The following PLN variants were observed in gnomAD, a reference collection of about 807,000 sequenced individuals.
The protein encoded by PLN is cardiac phospholamban.
In PLN, 1 loss-of-function variant was observed where a neutral mutation model predicts 3.9. That is an observed-to-expected ratio of 0.26 (90% CI 0.09 to 1.23). The LOEUF is 1.23. Among genes scored for constraint, PLN ranks in the 50% most tolerant of loss-of-function variants. The pLI, the probability that PLN is intolerant of heterozygous loss-of-function variation, is 0.48. For synonymous variants in PLN, 21 were observed against 20.5 expected, an observed-to-expected ratio of 1.02 and a Z score of -0.07; for missense variants, 59 against 62.7, an observed-to-expected ratio of 0.94 and a Z score of 0.20.
In PLN at chr6:118,560,608, G is replaced by A. The variant is rs1341663756; in HGVS notation, c.*1528G>A. On this transcript the variant is annotated 3_prime_UTR_variant, in exon 2 of 2. Coordinates refer to ENST00000357525, the MANE Select transcript of PLN (RefSeq NM_002667.5). The stretch of plus-strand genomic sequence containing the variant: ...GTTGTTCAAGGGTCAACTGTAATAG[G>A]ATATAGCTATTTTTCTTCCTCTATC... 6.0e-6 allele frequency: 1 copy of A among 166,942 alleles called. No homozygotes were observed. Among genetic ancestry groups the A allele is most frequent in the Non-Finnish European group, 1.5e-5 (1 of 68,084 alleles). The allele number at this position is 166,942 out of a possible 1,614,324, so 10.3% of individuals were successfully genotyped here. A position where few individuals can be genotyped will look rare whatever the true frequency, so the allele number is the denominator to read the frequency against.
At chr6:118,558,590 GAGAA>G (rs1460974215) in intron 1 of PLN, among the ~76,000 whole-genome samples, 3 of 150,472 alleles carry the variant, frequency 2.0e-5, no homozygotes, top group South Asian at 2.1e-4. Flanking sequence ...CAAAAAAGGA[GAGAA>G]AGAGAGACAG....
At chr6:118,557,046 T>G (rs1350467840) in intron 1 of PLN, among the ~76,000 whole-genome samples, 2 of 152,224 alleles carry the variant, frequency 1.3e-5, no homozygotes, top group African/African-American at 4.8e-5. Flanking sequence ...TCTGTGGTAG[T>G]GAGATAATAA....
chr6:118,552,662 T>G (rs1778619384), intron 1 of PLN, among the ~76,000 whole-genome samples: 1 of 151,108 alleles, frequency 6.6e-6, no homozygotes. Context: ...TGAACTTGAT[T>G]TTTTTTTTAA....
intron 1 of PLN, among the ~76,000 whole-genome samples, chr6:118,552,430 A>G (rs1007892629): frequency 4.6e-5 from 7 of 152,054 alleles, no homozygotes; most frequent in Non-Finnish European, 8.8e-5. Context: ...AGTTTTCAGA[A>G]GACTATTGAG....
intron 1 of PLN, among the ~76,000 whole-genome samples, chr6:118,557,472 G>A (rs1778944828): frequency 6.6e-6 from 1 of 152,152 alleles, no homozygotes; most frequent in Admixed American, 6.5e-5. Flanking sequence ...AAGTATGTGT[G>A]GGGCTTGCAT....
chr6:118,549,310 A>T (rs1359626457), intron 1 of PLN, among the ~76,000 whole-genome samples: 1 of 151,948 alleles, frequency 6.6e-6, no homozygotes, highest in African/African-American at 2.4e-5. Flanking sequence ...AATAAATGCC[A>T]GGAATGGAGA....
At chr6:118,554,731 G>A (rs1278999649) in intron 1 of PLN, among the ~76,000 whole-genome samples, 2 of 152,124 alleles carry the variant, frequency 1.3e-5, no homozygotes, top group African/African-American at 4.8e-5. Context: ...CTAATGAAAG[G>A]TTTCACTAGG....
intron 1 of PLN, among the ~76,000 whole-genome samples, chr6:118,553,275 A>AAAC (rs1240659100): frequency 6.6e-6 from 1 of 151,932 alleles, no homozygotes; most frequent in East Asian, 1.9e-4. Flanking sequence ...AGAGAATGAT[A>AAAC]AACATCTGAC....
At chr6:118,550,999 T>C (rs1395509130) in intron 1 of PLN, among the ~76,000 whole-genome samples, 2 of 151,740 alleles carry the variant, frequency 1.3e-5, no homozygotes, top group Non-Finnish European at 3.0e-5. Context: ...TTAAAAAAAA[T>C]AACACACCCC....
chr6:118,556,052 T>C (rs1030281558), intron 1 of PLN, among the ~76,000 whole-genome samples: 3 of 152,222 alleles, frequency 2.0e-5, no homozygotes, highest in Non-Finnish European at 4.4e-5. Context: ...AGTCTGTCAC[T>C]GATGAGCACT....
At chr6:118,554,952 C>T (rs1423397670) in intron 1 of PLN, among the ~76,000 whole-genome samples, 1 of 152,184 alleles carries the variant, frequency 6.6e-6, no homozygotes, top group East Asian at 1.9e-4. Flanking sequence ...CCTGTATATG[C>T]TTCATGATAA....
Position 118,548,311 on chromosome 6 carries a change from G to C in PLN, c.-179G>C, listed in dbSNP as rs1778332614. On this transcript the variant is annotated 5_prime_UTR_variant, in exon 1 of 2. Coordinates refer to ENST00000357525, the MANE Select transcript of PLN (RefSeq NM_002667.5). ...AACTGTTCCCATAAACTGGGTGACA[G>C]AGTCAGAAAACTCCCCAGCTAAACA... The C allele has an allele frequency of 1.3e-5, 2 of 152,036 alleles. No homozygotes were observed. Among genetic ancestry groups the C allele is most frequent in the Admixed American group, 6.6e-5 (1 of 15,260 alleles). The allele number at this position is 152,036 out of a possible 1,614,324, so 9.4% of individuals were successfully genotyped here. A position where few individuals can be genotyped will look rare whatever the true frequency, so the allele number is the denominator to read the frequency against.
chr6:118,554,077 C>T (rs1778704149), intron 1 of PLN, among the ~76,000 whole-genome samples: 1 of 152,100 alleles, frequency 6.6e-6, no homozygotes, highest in East Asian at 1.9e-4. Flanking sequence ...TACCTGAGCT[C>T]AGGAGTTTGA....
chr6:118,558,700 A>C, intron 1 of PLN, 125 bp from the exon 2 acceptor site: 3 of 553,436 alleles, frequency 5.4e-6, no homozygotes, highest in Admixed American at 2.9e-5. Flanking sequence ...GAGAGAGACT[A>C]TAGAAACATG....
intron 1 of PLN, among the ~76,000 whole-genome samples, chr6:118,550,859 T>C (rs1487788795): frequency 6.6e-6 from 1 of 151,890 alleles, no homozygotes; most frequent in Non-Finnish European, 1.5e-5. Context: ...TGCATAGCAT[T>C]ACATTCTTAA....
chr6:118,550,884 T>C (rs1778501542), intron 1 of PLN, among the ~76,000 whole-genome samples: 1 of 151,926 alleles, frequency 6.6e-6, no homozygotes, highest in African/African-American at 2.4e-5. Flanking sequence ...CTAAATTATA[T>C]TCTACTGATC....
At chr6:118,553,465 C>T (rs186409692) in intron 1 of PLN, among the ~76,000 whole-genome samples, 1 of 152,024 alleles carries the variant, frequency 6.6e-6, no homozygotes, top group South Asian at 2.1e-4. Context: ...ACTAGGATTC[C>T]ACACATTTCA....
rs111033559 is a variant in PLN at position 118,558,946 on chromosome 6, C to T, written c.25C>T (p.Arg9Cys). MEKVQYLTRSAIRRASTIE... is the reference protein window; with the variant it reads MEKVQYLTCSAIRRASTIE... The stretch of plus-strand genomic sequence containing the variant: ...CATGGAGAAAGTCCAATACCTCACT[C>T]GCTCAGCTATAAGAAGAGCCTCAAC... Residue 9 changes from arginine (R) to cysteine (C), a missense_variant, in exon 2 of 2, where the codon CGC becomes TGC. Arg to Cys is a radical substitution (Grantham distance 180). Transcript: ENST00000357525. 1 of 1,613,780 alleles carries T rather than the reference C, an allele frequency of 6.2e-7. No individual in the cohort carries two copies. Among genetic ancestry groups the T allele is most frequent in the Non-Finnish European group, 8.5e-7 (1 of 1,179,652 alleles).
chr6:118,550,119 C>A (rs751739126), intron 1 of PLN, among the ~76,000 whole-genome samples: 1 of 151,820 alleles, frequency 6.6e-6, no homozygotes, highest in Non-Finnish European at 1.5e-5. Flanking sequence ...GTTTTAAAAA[C>A]GCATGAAAGA....
Sources: allele counts gnomAD v4.1 joint callset (sites outside exome capture counted in the v4.1 genomes callset), GRCh38; gene constraint gnomAD v4.1.1; transcripts MANE v1.5; gene names NCBI Gene and HGNC (gene_info 2026-07-23, HGNC 2026-07-21).